The following ARHGAP10 variants were observed in gnomAD, a reference collection of about 807,000 sequenced individuals.
The protein encoded by ARHGAP10 is Rho GTPase activating protein 10.
ARHGAP10 carries 87 observed loss-of-function variants against 108.6 expected under a neutral mutation model. The ratio of observed to expected loss-of-function variants is 0.80; its 90% CI spans 0.67 to 0.96. ARHGAP10 has a LOEUF of 0.96. Among genes scored for constraint, ARHGAP10 ranks in the 40% least tolerant of loss-of-function variants. The pLI is 0.00. For synonymous variants in ARHGAP10, 347 were observed against 341.1 expected (o/e 1.02, Z -0.19); for missense variants, 939 against 954.5 (o/e 0.98, Z 0.21).
At chr4:147,911,614 G>A (rs1017415787) in intron 12 of ARHGAP10, among the ~76,000 whole-genome samples, 59 of 142,770 alleles carry the variant, frequency 4.1e-4, no homozygotes, top group Admixed American at 6.6e-4. Flanking sequence ...CGCCCACCTT[G>A]GCCTCCCAAA....
chr4:147,913,149 T>C lies in ARHGAP10; in HGVS notation c.1228+10T>C. 1 of 1,609,210 alleles carries C rather than the reference T, an allele frequency of 6.2e-7. No homozygotes were observed. The highest frequency in any genetic ancestry group is 1.3e-5 in the African/African-American group (1 of 74,940). On this transcript the variant is annotated intron_variant, in intron 13 of 22. Transcript: ENST00000336498. ...GCCGTTGAAACACGAGGTAATATGA[T>C]TGAATCATTTCATTCATGAGAGGCT...
chr4:148,030,137 A>G (rs1002163866), intron 19 of ARHGAP10, among the ~76,000 whole-genome samples: 1 of 152,114 alleles, frequency 6.6e-6, no homozygotes, highest in Non-Finnish European at 1.5e-5. Flanking sequence ...AGCTTATTTA[A>G]TGCCTTTAAA....
intron 10 of ARHGAP10, among the ~76,000 whole-genome samples, chr4:147,887,797 G>C (rs1441812073): frequency 6.6e-6 from 1 of 151,896 alleles, no homozygotes; most frequent in East Asian, 1.9e-4. Flanking sequence ...GGGAGGCGGA[G>C]GTTGCAGTGA....
chr4:147,768,112 C>G (rs1729907903), intron 1 of ARHGAP10, among the ~76,000 whole-genome samples: 2 of 152,282 alleles, frequency 1.3e-5, no homozygotes, highest in Non-Finnish European at 2.9e-5. Flanking sequence ...GTCCTAGCTG[C>G]TGAATATTCA....
chr4:147,768,893 T>C (rs1729951125), intron 1 of ARHGAP10, among the ~76,000 whole-genome samples: 2 of 151,998 alleles, frequency 1.3e-5, no homozygotes, highest in African/African-American at 4.8e-5. Context: ...CACACACTAC[T>C]ATACCTGGCT....
chr4:148,032,547 C>A (rs1253365761), intron 19 of ARHGAP10, among the ~76,000 whole-genome samples: 1 of 151,862 alleles, frequency 6.6e-6, no homozygotes, highest in African/African-American at 2.4e-5. Context: ...AGTTTCCTGT[C>A]CTTCTAGAAT....
rs548739730 is a variant in ARHGAP10 at position 147,797,789 on chromosome 4, G to A, written c.155-24938G>A. Among the ~76,000 whole-genome samples, 36 of 152,220 alleles carry A rather than the reference G, an allele frequency of 2.4e-4. No individual in the cohort carries two copies. The South Asian group carries it at 2.9e-3, about 12-fold the overall frequency. ...TTTTGAGATCCAGTCTTAACCCTGC[G>A]AAACCTTCTCTGCCTTTCCCAGAAA... On this transcript the variant is annotated intron_variant, in intron 1 of 22. Transcript: ENST00000336498.
chr4:148,015,524 C>A (rs1346575112), intron 18 of ARHGAP10, among the ~76,000 whole-genome samples: 1 of 152,156 alleles, frequency 6.6e-6, no homozygotes, highest in African/African-American at 2.4e-5. Context: ...AAGCCTGAAC[C>A]CGACTGGTAT....
At chr4:147,899,865 T>G (rs1291905462) in intron 10 of ARHGAP10, among the ~76,000 whole-genome samples, 1 of 137,194 alleles carries the variant, frequency 7.3e-6, no homozygotes, top group African/African-American at 2.5e-5. Flanking sequence ...GCAGAACTTG[T>G]TACGTGCTGG....
At chr4:147,883,548 T>C (rs545599060) in intron 10 of ARHGAP10, among the ~76,000 whole-genome samples, 2 of 152,326 alleles carry the variant, frequency 1.3e-5, no homozygotes, top group African/African-American at 4.8e-5. Context: ...CTCAGGTAGT[T>C]GTTACTGTTT....
intron 7 of ARHGAP10, among the ~76,000 whole-genome samples, chr4:147,867,024 C>A (rs1377072656): frequency 1.3e-5 from 2 of 152,148 alleles, no homozygotes; most frequent in Non-Finnish European, 2.9e-5. Flanking sequence ...CACCTGGCGG[C>A]TTTTCCTGCA....
chr4:148,005,513 G>A (rs976930944), intron 18 of ARHGAP10, among the ~76,000 whole-genome samples: 1 of 151,946 alleles, frequency 6.6e-6, no homozygotes, highest in Non-Finnish European at 1.5e-5. Context: ...CCCTTTTGTG[G>A]TTTTCTTCTT....
chr4:148,055,721 A>G (rs770239631), intron 20 of ARHGAP10, among the ~76,000 whole-genome samples: 50 of 152,192 alleles, frequency 3.3e-4, no homozygotes, highest in Non-Finnish European at 1.3e-4. Flanking sequence ...TTTGTTCTCA[A>G]AGGTGAACAA....
At chr4:147,896,571 TCTTGC>T (rs1348013234) in intron 10 of ARHGAP10, among the ~76,000 whole-genome samples, 2 of 152,178 alleles carry the variant, frequency 1.3e-5, no homozygotes, top group Non-Finnish European at 2.9e-5. Context: ...TCTTGATAAG[TCTTGC>T]CTAGAGGTTT....
intron 1 of ARHGAP10, among the ~76,000 whole-genome samples, chr4:147,749,195 A>G (rs1729047480): frequency 6.6e-6 from 1 of 152,158 alleles, no homozygotes. Context: ...GGAAATGAAG[A>G]CTGTGATTCC....
chr4:148,036,173 T>G (rs1728370256), intron 19 of ARHGAP10, among the ~76,000 whole-genome samples: 1 of 152,038 alleles, frequency 6.6e-6, no homozygotes, highest in Admixed American at 6.6e-5. Flanking sequence ...CTAGGTTTTA[T>G]AGAGGATGAG....
intron 18 of ARHGAP10, among the ~76,000 whole-genome samples, chr4:147,977,001 A>G (rs993805691): frequency 1.3e-5 from 2 of 152,190 alleles, no homozygotes; most frequent in African/African-American, 2.4e-5. Flanking sequence ...TAATGAGAAC[A>G]TGTTCATGTT....
chr4:148,020,665 A>G (rs1040365957), intron 18 of ARHGAP10, among the ~76,000 whole-genome samples: 1 of 151,968 alleles, frequency 6.6e-6, no homozygotes, highest in Non-Finnish European at 1.5e-5. Context: ...TAATATATAT[A>G]CACCACATTT....
chr4:148,005,968 C>T (rs1419490492), intron 18 of ARHGAP10, among the ~76,000 whole-genome samples: 1 of 152,208 alleles, frequency 6.6e-6, no homozygotes, highest in African/African-American at 2.4e-5. Flanking sequence ...AAAGTAGCCA[C>T]AAATTTCTTT....
Sources: gnomAD v4.1 joint callset for allele counts (sites outside exome capture counted in the v4.1 genomes callset) on GRCh38, gnomAD v4.1.1 for gene constraint, MANE v1.5 for transcripts, NCBI Gene and HGNC (gene_info 2026-07-23, HGNC 2026-07-21) for gene names.